The following BBX variants were observed in gnomAD, a reference collection of about 807,000 sequenced individuals.
BBX encodes BBX high mobility group box domain containing, also known as HMG box transcription factor BBX.
In BBX, 30 loss-of-function variants were observed where a neutral mutation model predicts 100.2. The ratio of observed to expected loss-of-function variants is 0.30; its 90% confidence interval spans 0.22 to 0.41. BBX has a LOEUF of 0.41. BBX is among the 10% of genes least tolerant of loss of function. The pLI is 1.00. For missense variants in BBX, 1,023 were observed against 1,129.8 expected (o/e 0.91, Z 1.35); for synonymous variants, 376 against 388.1 (o/e 0.97, Z 0.37).
At chr3:107,672,670 A>G (rs2059079293) in intron 3 of BBX, among the ~76,000 whole-genome samples, 1 of 151,990 alleles carries the variant, frequency 6.6e-6, no homozygotes, top group Non-Finnish European at 1.5e-5. Flanking sequence ...AGTGTGCTGA[A>G]ATATTAGGAT....
At chr3:107,712,850 C>G (rs2061821503) in intron 4 of BBX, among the ~76,000 whole-genome samples, 1 of 152,174 alleles carries the variant, frequency 6.6e-6, no homozygotes, top group African/African-American at 2.4e-5. Flanking sequence ...GTGGCTGGCT[C>G]ATAGCAGGAA....
chr3:107,670,955 T>A (rs888288911), intron 3 of BBX, among the ~76,000 whole-genome samples: 1 of 152,116 alleles, frequency 6.6e-6, no homozygotes, highest in African/African-American at 2.4e-5. Context: ...AAAAACAATT[T>A]TAAAAAATAT....
At chr3:107,669,454 G>C (rs2107910086) in intron 3 of BBX, among the ~76,000 whole-genome samples, 1 of 152,152 alleles carries the variant, frequency 6.6e-6, no homozygotes, top group East Asian at 1.9e-4. Flanking sequence ...TATGTGGGTG[G>C]GGAGTGAGGT....
intron 2 of BBX, among the ~76,000 whole-genome samples, chr3:107,570,103 A>C (rs2051237298): frequency 6.6e-6 from 1 of 152,188 alleles, no homozygotes; most frequent in Admixed American, 6.5e-5. Flanking sequence ...CACTTGAAGC[A>C]AGATCCTGGG....
intron 2 of BBX, among the ~76,000 whole-genome samples, chr3:107,571,658 C>T (rs1350727371): frequency 1.3e-5 from 2 of 152,202 alleles, no homozygotes; most frequent in Non-Finnish European, 2.9e-5. Context: ...AGGGCGAGGA[C>T]AGGGGACTGG....
chr3:107,645,704 C>T (rs1223916860), intron 2 of BBX, 132 bp from the exon 3 acceptor site: 1 of 152,382 alleles, frequency 6.6e-6, no homozygotes, highest in African/African-American at 2.4e-5. Context: ...GGATATTTGC[C>T]TCATGTTGAT....
chr3:107,715,301 C>G (rs1010707879), intron 4 of BBX, among the ~76,000 whole-genome samples: 7 of 152,140 alleles, frequency 4.6e-5, no homozygotes, highest in African/African-American at 1.7e-4. Flanking sequence ...ATTGGAAACT[C>G]TGGGAATGGG....
At chr3:107,567,718 G>A (rs2051028770) in intron 2 of BBX, among the ~76,000 whole-genome samples, 1 of 151,976 alleles carries the variant, frequency 6.6e-6, no homozygotes, top group Non-Finnish European at 1.5e-5. Context: ...GCCTGTTTAT[G>A]TTTATTTTGA....
At chr3:107,737,898 T>TTTTTTG (rs2063762498) in intron 7 of BBX, among the ~76,000 whole-genome samples, 1 of 141,444 alleles carries the variant, frequency 7.1e-6, no homozygotes, top group Non-Finnish European at 1.5e-5. Context: ...TTTTTTTTTT[T>TTTTTTG]TTTTTTTTTT....
intron 10 of BBX, among the ~76,000 whole-genome samples, chr3:107,765,122 A>G (rs2066277040): frequency 6.6e-6 from 1 of 152,230 alleles, no homozygotes; most frequent in African/African-American, 2.4e-5. Context: ...TACCAAAGAC[A>G]TGTCATGCTA....
intron 5 of BBX, among the ~76,000 whole-genome samples, chr3:107,718,045 C>T (rs1255302167): frequency 6.6e-6 from 1 of 150,930 alleles, no homozygotes; most frequent in Non-Finnish European, 1.5e-5. Flanking sequence ...AGTTAATTAG[C>T]TAAAAACATA....
intron 2 of BBX, among the ~76,000 whole-genome samples, chr3:107,552,041 G>GT (rs1445722022): frequency 6.6e-6 from 1 of 152,012 alleles, no homozygotes; most frequent in Non-Finnish European, 1.5e-5. Context: ...TTAGTACAGC[G>GT]TTAAAGGATT....
intron 2 of BBX, among the ~76,000 whole-genome samples, chr3:107,529,325 G>A (rs1045433791): frequency 6.6e-6 from 1 of 152,164 alleles, no homozygotes; most frequent in African/African-American, 2.4e-5. Context: ...ACCACTGAGG[G>A]TACCTTTTGA....
intron 2 of BBX, among the ~76,000 whole-genome samples, chr3:107,643,877 A>G (rs553075704): frequency 2.0e-5 from 3 of 152,266 alleles, no homozygotes; most frequent in Middle Eastern, 3.4e-3. Context: ...AAGGCCTGTG[A>G]TAGACTTATC....
chr3:107,699,981 C>T (rs2060921069), intron 3 of BBX, among the ~76,000 whole-genome samples: 1 of 151,926 alleles, frequency 6.6e-6, no homozygotes, highest in African/African-American at 2.4e-5. Flanking sequence ...TGAAGCACAT[C>T]GTTGGGTGTG....
At chr3:107,769,322 C>A (rs763649225) in intron 10 of BBX, among the ~76,000 whole-genome samples, 2 of 152,112 alleles carry the variant, frequency 1.3e-5, no homozygotes, top group African/African-American at 2.4e-5. Flanking sequence ...GTATCATTTA[C>A]AAGTTGTGTT....
intron 6 of BBX, 124 bp downstream of exon 6, chr3:107,729,084 A>ATAGC: frequency 1.0e-6 from 1 of 961,266 alleles, no homozygotes; most frequent in Non-Finnish European, 1.6e-6. Flanking sequence ...TGGCAAAGAT[A>ATAGC]TAGCATATTT....
At chr3:107,662,258 A>T (rs971346016) in intron 3 of BBX, among the ~76,000 whole-genome samples, 3 of 152,144 alleles carry the variant, frequency 2.0e-5, no homozygotes, top group Non-Finnish European at 4.4e-5. Context: ...GTACATTTGG[A>T]AGAGAGATGA....
At chr3:107,684,747 T>A (rs2059753087) in intron 3 of BBX, 1 of 152,216 alleles carries the variant, frequency 6.6e-6, no homozygotes, top group Non-Finnish European at 1.5e-5. Flanking sequence ...AGATAGATAC[T>A]GTATTTGGAA....
Sources: gnomAD v4.1 joint callset for allele counts (sites outside exome capture counted in the v4.1 genomes callset) on GRCh38, gnomAD v4.1.1 for gene constraint, MANE v1.5 for transcripts, NCBI Gene and HGNC (gene_info 2026-07-23, HGNC 2026-07-21) for gene names.